The following RAVER2 variants were observed in gnomAD, a reference collection of about 807,000 sequenced individuals.
RAVER2 encodes the protein ribonucleoprotein PTB-binding 2.
Under a neutral mutation model 78.1 loss-of-function variants are expected in RAVER2, and 46 were observed. That is an observed-to-expected ratio of 0.59 (90% CI 0.46 to 0.75). The LOEUF (loss-of-function observed/expected upper bound fraction) is 0.75, where lower values mean the gene tolerates loss of function less well. RAVER2 is among the 30% of genes least tolerant of loss of function. The pLI is 0.00. For synonymous variants in RAVER2, 311 were observed against 313.3 expected, an observed-to-expected ratio of 0.99 and a Z score of 0.08; for missense variants, 793 against 837.5, an observed-to-expected ratio of 0.95 and a Z score of 0.66.
intron 3 of RAVER2, among the ~76,000 whole-genome samples, chr1:64,779,540 T>C (rs1272470323): frequency 6.3e-5 from 8 of 126,856 alleles, no homozygotes; most frequent in African/African-American, 2.8e-4. Flanking sequence ...AACTACTTTT[T>C]AATTTTTTTT....
intron 11 of RAVER2, among the ~76,000 whole-genome samples, chr1:64,825,171 A>G (rs561621712): frequency 2.8e-4 from 43 of 152,270 alleles, no homozygotes; most frequent in South Asian, 1.7e-3. Flanking sequence ...ATTTTTAACA[A>G]TGGGAGAAAG....
chr1:64,753,585 T>G (rs1170187251), intron 1 of RAVER2, among the ~76,000 whole-genome samples: 1 of 146,250 alleles, frequency 6.8e-6, no homozygotes, highest in Non-Finnish European at 1.5e-5. Flanking sequence ...TGGAGTGATC[T>G]CGGCTCACTG....
At chr1:64,777,562 T>C in intron 2 of RAVER2, 61 bp from the exon 3 acceptor site, 1 of 1,362,808 alleles carries the variant, frequency 7.3e-7, no homozygotes, top group African/African-American at 1.5e-5. Flanking sequence ...AAGTAAGATA[T>C]ATTTCTTACT....
intron 1 of RAVER2, among the ~76,000 whole-genome samples, chr1:64,756,283 G>C (rs1180361199): frequency 6.6e-6 from 1 of 152,058 alleles, no homozygotes; most frequent in Admixed American, 6.6e-5. Flanking sequence ...TCCATGTAAA[G>C]TTTTCTGCTT....
At chr1:64,785,780 T>G (rs1652764385) in intron 4 of RAVER2, among the ~76,000 whole-genome samples, 1 of 152,202 alleles carries the variant, frequency 6.6e-6, no homozygotes, top group Non-Finnish European at 1.5e-5. Flanking sequence ...CATATTGGTG[T>G]CTGCCTTTTT....
Position 64,803,384 on chromosome 1 carries a change from T to C in RAVER2, c.1191+323T>C, listed in dbSNP as rs150274301. On this transcript the variant is annotated intron_variant, in intron 6 of 11. Coordinates refer to ENST00000294428, the Ensembl canonical transcript of RAVER2. ...CTTATGTGGTCTTAACTCAAAAAAGTATTTCTAGAAAGAAAATATAAATGA... is the reference window on the plus strand; with the variant it reads ...CTTATGTGGTCTTAACTCAAAAAAGCATTTCTAGAAAGAAAATATAAATGA... Among the ~76,000 whole-genome samples the C allele has an allele frequency of 6.1e-4, 93 of 152,266 alleles. 1 individual carries two copies. The highest frequency in any genetic ancestry group is 4.4e-4 in the Non-Finnish European group (30 of 67,980).
rs552189415 is a variant in RAVER2 at position 64,749,542 on chromosome 1, C to T, written c.249+4121C>T. ...GCATTGGATTCTATTCCACATTTAT[C>T]AAACTACCTAGATCCCCAAGTACCT... On this transcript the variant is annotated intron_variant, in intron 1 of 11. Transcript: ENST00000294428. 2.1e-3 allele frequency among the ~76,000 whole-genome samples: 321 copies of T among 152,318 alleles called. 2 individuals are homozygous for T. Among genetic ancestry groups the T allele is most frequent in the Non-Finnish European group, 2.0e-3 (137 of 68,028 alleles).
chr1:64,813,022 C>T (rs1653661905), intron 10 of RAVER2, among the ~76,000 whole-genome samples, 173 bp downstream of exon 10: 1 of 152,136 alleles, frequency 6.6e-6, no homozygotes, highest in Non-Finnish European at 1.5e-5. Context: ...AAAATGCGTG[C>T]TATTTTATTT....
At chr1:64,766,897 GT>G (rs1415158865) in intron 1 of RAVER2, among the ~76,000 whole-genome samples, 2 of 152,082 alleles carry the variant, frequency 1.3e-5, no homozygotes, top group Non-Finnish European at 2.9e-5. Context: ...TACAGTAGAT[GT>G]TTTTGTAAGT....
intron 4 of RAVER2, among the ~76,000 whole-genome samples, chr1:64,785,367 CTTT>C (rs67544814): frequency 1.5e-5 from 2 of 129,620 alleles, no homozygotes; most frequent in African/African-American, 2.8e-5. Flanking sequence ...CTGTCCCTAA[CTTT>C]TTTTTTTTTT....
intron 1 of RAVER2, among the ~76,000 whole-genome samples, chr1:64,746,113 T>C (rs1651530164): frequency 1.3e-5 from 2 of 152,230 alleles, no homozygotes; most frequent in African/African-American, 4.8e-5. Context: ...CCAGATTAAC[T>C]GTTGCTTTTA....
At chr1:64,781,142 G>A (rs1327802202) in intron 3 of RAVER2, among the ~76,000 whole-genome samples, 1 of 152,026 alleles carries the variant, frequency 6.6e-6, no homozygotes, top group Non-Finnish European at 1.5e-5. Context: ...GGCTTTTACT[G>A]TTAAAATAAA....
exon 12 of RAVER2, chr1:64,833,035 G>T (rs1228074174): frequency 5.7e-6 from 1 of 175,800 alleles, no homozygotes; most frequent in Non-Finnish European, 1.2e-5. Context: ...ATCCATACTG[G>T]CCTGTGCCCC....
chr1:64,816,021 A>G (rs1475527326), intron 11 of RAVER2: 1 of 152,218 alleles, frequency 6.6e-6, no homozygotes, highest in East Asian at 1.9e-4. Flanking sequence ...TTTACAAGAT[A>G]TAGTCCTGTA....
chr1:64,824,804 G>A (rs924633763), intron 11 of RAVER2, among the ~76,000 whole-genome samples: 4 of 151,840 alleles, frequency 2.6e-5, no homozygotes, highest in Non-Finnish European at 5.9e-5. Context: ...GGTGGTGCAC[G>A]CTTGTAATCC....
At chr1:64,751,210 TA>T (rs1651688751) in intron 1 of RAVER2, among the ~76,000 whole-genome samples, 1 of 152,242 alleles carries the variant, frequency 6.6e-6, no homozygotes, top group South Asian at 2.1e-4. Context: ...AAGAATATAG[TA>T]GATGGTATTT....
At chr1:64,823,708 A>T (rs1047806897) in intron 11 of RAVER2, among the ~76,000 whole-genome samples, 6 of 152,168 alleles carry the variant, frequency 3.9e-5, no homozygotes, top group African/African-American at 1.4e-4. Flanking sequence ...GTAAAAATAT[A>T]TCTTAAGCAC....
intron 1 of RAVER2, among the ~76,000 whole-genome samples, chr1:64,748,332 G>T (rs1203061298): frequency 6.6e-6 from 1 of 151,986 alleles, no homozygotes; most frequent in East Asian, 1.9e-4. Context: ...ACAACTTTTC[G>T]GTTTGTCACC....
In RAVER2 at chr1:64,830,330, T is replaced by C. The variant is rs182494301; in HGVS notation, c.1930-509T>C. Among the ~76,000 whole-genome samples the C allele has an allele frequency of 1.6e-4, 24 of 152,292 alleles. No individual in the cohort carries two copies. The East Asian group carries it at 4.4e-3, about 28-fold the overall frequency. ...TTATTGTGGAGACCAAAGCTCTGAG[T>C]TTCCCATTGCTCTCTAGAATGTTTC... On this transcript the variant is annotated intron_variant, in intron 11 of 11. Coordinates refer to ENST00000294428, the Ensembl canonical transcript of RAVER2.
Sources: allele counts gnomAD v4.1 joint callset (sites outside exome capture counted in the v4.1 genomes callset), GRCh38; gene constraint gnomAD v4.1.1; transcripts MANE v1.5; gene names NCBI Gene and HGNC (gene_info 2026-07-23, HGNC 2026-07-21).